The following ZCWPW2 variants were observed in gnomAD, a reference collection of about 807,000 sequenced individuals.
ZCWPW2 encodes the protein zinc finger CW-type PWWP domain protein 2.
In ZCWPW2, 45 loss-of-function variants were observed where a neutral mutation model predicts 46.6. That is an observed-to-expected ratio of 0.96 (90% CI 0.76 to 1.24). The LOEUF (loss-of-function observed/expected upper bound fraction) is 1.24. Among genes scored for constraint, ZCWPW2 ranks in the 50% most tolerant of loss-of-function variants. The pLI, the probability that ZCWPW2 is intolerant of heterozygous loss-of-function variation, is 0.00. For missense variants in ZCWPW2, 429 were observed against 403.9 expected (o/e 1.06, Z -0.53); for synonymous variants, 152 against 137.1 (o/e 1.11, Z -0.76).
intron 6 of ZCWPW2, among the ~76,000 whole-genome samples, chr3:28,512,559 C>G (rs1700455593): frequency 6.6e-6 from 1 of 152,128 alleles, no homozygotes; most frequent in African/African-American, 2.4e-5. Flanking sequence ...TATTCTTATG[C>G]AACTCCTTTC....
At chr3:28,349,477 G>A (rs1462416976) in intron 1 of ZCWPW2, among the ~76,000 whole-genome samples, 2 of 152,148 alleles carry the variant, frequency 1.3e-5, no homozygotes, top group Admixed American at 1.3e-4. Context: ...GAATTGCGTA[G>A]GGGTCTGTAA....
intron 4 of ZCWPW2, among the ~76,000 whole-genome samples, chr3:28,469,265 A>G (rs1698946488): frequency 2.0e-5 from 3 of 152,114 alleles, no homozygotes; most frequent in Admixed American, 2.0e-4. Context: ...TGCTACCAGG[A>G]AAAATAACCT....
chr3:28,413,125 C>G lies in ZCWPW2; in HGVS notation c.57C>G (p.Ser19=). The stretch of plus-strand genomic sequence containing the variant: ...AATATTGTAACTATGCAATGGATTC[C>G]TCAGTGGAAAACATGTATGTAAACA... The part of the protein sequence containing the change: ...KIEYCNYAMD[S]SVENMYVNKV... The change falls in exon 3 of 10, where the codon TCC becomes TCG. Residue 19 remains serine (S), a synonymous_variant. Coordinates refer to ENST00000383768, the MANE Select transcript of ZCWPW2 (RefSeq NM_001040432.4). 6.2e-7 allele frequency: 1 copy of G among 1,612,816 alleles called. No homozygotes were observed. Among genetic ancestry groups the G allele is most frequent in the Non-Finnish European group, 8.5e-7 (1 of 1,179,322 alleles).
intron 1 of ZCWPW2, among the ~76,000 whole-genome samples, chr3:28,381,772 A>G (rs1559481287): frequency 1.3e-5 from 2 of 152,080 alleles, no homozygotes; most frequent in Admixed American, 1.3e-4. Flanking sequence ...GGCAACAGAG[A>G]GAACCCTTAT....
intron 4 of ZCWPW2, among the ~76,000 whole-genome samples, chr3:28,436,912 G>A (rs964646746): frequency 1.3e-5 from 2 of 152,134 alleles, no homozygotes; most frequent in African/African-American, 2.4e-5. Context: ...CTTACCTCAG[G>A]ATAGCTGAGA....
chr3:28,507,686 A>G (rs893546859), intron 6 of ZCWPW2, among the ~76,000 whole-genome samples: 9 of 152,288 alleles, frequency 5.9e-5, no homozygotes, highest in Non-Finnish European at 1.2e-4. Flanking sequence ...GTGAACCAGT[A>G]GGTGGTCAAA....
At position 28,413,217 on chromosome 3, in the gene ZCWPW2, C is replaced by G; in HGVS notation, c.149C>G (p.Ala50Gly). Residue 50 changes from alanine (A) to glycine (G), a missense_variant, in exon 3 of 10, where the codon GCC becomes GGC. Physicochemically the swap from Ala to Gly is moderately conservative, Grantham distance 60 (BLOSUM62 0). Transcript: ENST00000383768. ...KWRLLSSEDS[A>G]KVDHDEPWYC... Reference sequence around the variant, plus strand: ...AGATTGTTATCAAGTGAGGATTCAGCCAAGGTTGATCATGATGAACCATGG... The same window carrying G: ...AGATTGTTATCAAGTGAGGATTCAGGCAAGGTTGATCATGATGAACCATGG... The G allele has an allele frequency of 6.2e-7, 1 of 1,613,302 alleles. No individual in the cohort carries two copies. Among genetic ancestry groups the G allele is most frequent in the Non-Finnish European group, 8.5e-7 (1 of 1,179,548 alleles).
chr3:28,521,582 T>A (rs1398784079), intron 9 of ZCWPW2, among the ~76,000 whole-genome samples: 1 of 152,214 alleles, frequency 6.6e-6, no homozygotes, highest in Non-Finnish European at 1.5e-5. Flanking sequence ...GAATAAGTTT[T>A]ACCATTTATA....
chr3:28,390,055 A>G (rs560393790), intron 1 of ZCWPW2, among the ~76,000 whole-genome samples: 1 of 152,306 alleles, frequency 6.6e-6, no homozygotes, highest in South Asian at 2.1e-4. Flanking sequence ...AGCCAAGCTG[A>G]CACATAAAAT....
intron 6 of ZCWPW2, among the ~76,000 whole-genome samples, chr3:28,511,758 A>G (rs996411779): frequency 2.6e-5 from 4 of 151,920 alleles, no homozygotes; most frequent in Non-Finnish European, 5.9e-5. Flanking sequence ...TTTTTAGGTC[A>G]GTGTTTATTT....
intron 4 of ZCWPW2, among the ~76,000 whole-genome samples, chr3:28,456,178 C>G (rs1344787300): frequency 3.3e-5 from 5 of 152,126 alleles, no homozygotes; most frequent in Non-Finnish European, 7.4e-5. Context: ...GTTTGTCGTT[C>G]TCCTTGAAGA....
At chr3:28,381,000 GTA>G (rs376030289) in intron 1 of ZCWPW2, among the ~76,000 whole-genome samples, 281 of 4,530 alleles carry the variant, frequency 0.062, 53 homozygotes, top group Middle Eastern at 0.25. Flanking sequence ...TATATATTTG[GTA>G]TATATATATA....
intron 6 of ZCWPW2, among the ~76,000 whole-genome samples, chr3:28,497,750 T>C (rs1700032634): frequency 6.6e-6 from 1 of 152,110 alleles, no homozygotes; most frequent in African/African-American, 2.4e-5. Flanking sequence ...CCTATTTTGA[T>C]TGGCATTCCT....
chr3:28,436,323 C>CTTTTTTTTT (rs71087698), intron 4 of ZCWPW2, among the ~76,000 whole-genome samples: 1,496 of 116,632 alleles, frequency 0.013, 2 homozygotes, highest in East Asian at 0.019. Context: ...TCTTTTTTTT[C>CTTTTTTTTT]TTTTTTTTTT....
Position 28,516,268 on chromosome 3 carries a change from A to T in ZCWPW2, c.784+647A>T, listed in dbSNP as rs556320601. ...AAGATTCCCTCTCAATAAATAAATA[A>T]ATAAATAAATAAATAAATAAATAAA... On this transcript the variant is annotated intron_variant, in intron 8 of 9. Coordinates refer to ENST00000383768, the MANE Select transcript of ZCWPW2 (RefSeq NM_001040432.4). Among the ~76,000 whole-genome samples, 77 of 146,440 alleles carry T rather than the reference A, an allele frequency of 5.3e-4. 1 individual carries two copies. In the East Asian group the frequency reaches 0.013, roughly 24 times the overall value.
chr3:28,394,469 A>G (rs928301388), intron 2 of ZCWPW2, among the ~76,000 whole-genome samples: 1 of 152,100 alleles, frequency 6.6e-6, no homozygotes, highest in East Asian at 1.9e-4. Context: ...TAACAGAAGC[A>G]ATCTTGATCA....
chr3:28,363,086 GA>G lies in ZCWPW2; in HGVS notation c.-134+13891del, dbSNP rs903131031. Among the ~76,000 whole-genome samples the G allele has an allele frequency of 4.3e-4, 65 of 151,262 alleles. 1 individual carries two copies. The highest frequency in any genetic ancestry group is 1.5e-3 in the African/African-American group (63 of 41,230). ...GGGGAGGGTGGGAGGGAGAGGTTCA[GA>G]AAAAAAACAAAACAAAGCTGTTGGG... On this transcript the variant is annotated intron_variant, in intron 1 of 9. Transcript: ENST00000383768.
At chr3:28,367,155 T>C (rs1380108648) in intron 1 of ZCWPW2, among the ~76,000 whole-genome samples, 2 of 152,186 alleles carry the variant, frequency 1.3e-5, no homozygotes, top group African/African-American at 4.8e-5. Flanking sequence ...TCAGTTCTGC[T>C]CTGATCTTAG....
chr3:28,367,627 T>C (rs1382672977), intron 1 of ZCWPW2, among the ~76,000 whole-genome samples: 1 of 152,230 alleles, frequency 6.6e-6, no homozygotes, highest in Non-Finnish European at 1.5e-5. Flanking sequence ...TTCTGTTGAT[T>C]TGGGGTGGAG....
Sources: allele counts gnomAD v4.1 joint callset (sites outside exome capture counted in the v4.1 genomes callset), GRCh38; gene constraint gnomAD v4.1.1; transcripts MANE v1.5; gene names NCBI Gene and HGNC (gene_info 2026-07-23, HGNC 2026-07-21).